Variants in NINL observed in about 807,000 individuals in gnomAD.
NINL encodes the protein ninein like.
In NINL, 153 loss-of-function variants were observed where a neutral mutation model predicts 160.3. That is an observed-to-expected ratio of 0.95 (90% confidence interval 0.84 to 1.09). The LOEUF is 1.09. Among genes scored for constraint, NINL ranks in the 50% least tolerant of loss-of-function variants. NINL has a pLI of 0.00. For synonymous variants in NINL, 800 were observed against 734.8 expected (o/e 1.09, Z -1.43); for missense variants, 1,829 against 1,764.0 (o/e 1.04, Z -0.66).
rs750145578 is a variant in NINL at position 25,462,554 on chromosome 20, G to GT, written c.3424-14dup. ...TGTAGTTCTGATTCTGGGGGAAAAA[G>GT]TTTTTAAATACATAAGAAAAAAATG... On this transcript the variant is annotated splice_polypyrimidine_tract_variant and intron_variant, in intron 19 of 23. Transcript: ENST00000278886. 3 of 1,590,394 alleles carry GT rather than the reference G, an allele frequency of 1.9e-6. No homozygotes were observed. Among genetic ancestry groups the GT allele is most frequent in the Non-Finnish European group, 2.6e-6 (3 of 1,170,694 alleles).
chr20:25,467,291 G>A lies in NINL; in HGVS notation c.3423+98C>T. On this transcript the variant is annotated intron_variant, in intron 19 of 23. Coordinates refer to ENST00000278886, the MANE Select transcript of NINL (RefSeq NM_025176.6). ...CAACTCACTGTCAAGTCTTTTAGAA[G>A]AATATTCTCTACTTCCTTTTGTAAG... is the stretch of plus-strand genomic sequence containing the variant. The A allele has an allele frequency of 3.7e-6, 4 of 1,094,330 alleles. No homozygotes were observed. The South Asian group carries it at 5.0e-5, about 14-fold the overall frequency. The allele number at this position is 1,094,330 out of a possible 1,614,324, so 67.8% of individuals were successfully genotyped here. A position where few individuals can be genotyped will look rare whatever the true frequency, so the allele number is the denominator to read the frequency against.
At chr20:25,457,752 C>T (rs917002576) in intron 22 of NINL, among the ~76,000 whole-genome samples, 4 of 152,218 alleles carry the variant, frequency 2.6e-5, no homozygotes, top group Non-Finnish European at 5.9e-5. Flanking sequence ...GAGTTATTCT[C>T]TCAGACTTTT....
intron 2 of NINL, among the ~76,000 whole-genome samples, chr20:25,522,284 A>AT (rs2064277396): frequency 1.3e-5 from 2 of 152,096 alleles, no homozygotes; most frequent in African/African-American, 4.8e-5. Context: ...TGTTTTTATT[A>AT]TTTTGTTCAG....
At chr20:25,478,445 C>T (rs2063315227) in intron 16 of NINL, among the ~76,000 whole-genome samples, 1 of 152,218 alleles carries the variant, frequency 6.6e-6, no homozygotes. Flanking sequence ...TCACATGTAC[C>T]TCACACCAGA....
At position 25,496,823 on chromosome 20, in the gene NINL, G is replaced by C. The variant is rs1394293368; in HGVS notation, c.1170-20C>G. The C allele has an allele frequency of 3.3e-5, 54 of 1,612,226 alleles. No homozygotes were observed. Among genetic ancestry groups the C allele is most frequent in the Non-Finnish European group, 4.3e-5 (51 of 1,179,156 alleles). Reference sequence around the variant, plus strand: ...TGCCCTCTGCCACAGGAAGGAGACAGGGTCAGATGGGACCCCACTGCTGGC... The same window carrying C: ...TGCCCTCTGCCACAGGAAGGAGACACGGTCAGATGGGACCCCACTGCTGGC... On this transcript the variant is annotated intron_variant, in intron 9 of 23. Transcript: ENST00000278886.
chr20:25,512,809 G>C, intron 4 of NINL, 25 bp downstream of exon 4: 1 of 1,586,868 alleles, frequency 6.3e-7, no homozygotes, highest in South Asian at 1.1e-5. Context: ...CTGGGCAGCT[G>C]GGGTGGGAGA....
chr20:25,580,339 A>C (rs1044473972), intron 1 of NINL, among the ~76,000 whole-genome samples: 1 of 150,812 alleles, frequency 6.6e-6, no homozygotes, highest in Admixed American at 6.6e-5. Context: ...ACCTAAAAAA[A>C]AAAAAAAAAT....
At chr20:25,501,749 C>T (rs759464828) in intron 7 of NINL, among the ~76,000 whole-genome samples, 5 of 152,174 alleles carry the variant, frequency 3.3e-5, no homozygotes, top group Non-Finnish European at 7.3e-5. Flanking sequence ...TCCTCCTGCT[C>T]AGCCTCCCAA....
chr20:25,470,170 G>T, intron 17 of NINL, 75 bp from the exon 18 acceptor site: 2 of 1,200,448 alleles, frequency 1.7e-6, no homozygotes, highest in Non-Finnish European at 2.5e-6. Flanking sequence ...CTCTGCAGCG[G>T]GGAGTCCTGA....
chr20:25,523,736 G>A (rs1052851210), intron 2 of NINL, among the ~76,000 whole-genome samples: 4 of 152,020 alleles, frequency 2.6e-5, no homozygotes, highest in African/African-American at 7.2e-5. Context: ...TCCACCTCCC[G>A]GGTTCAAGTG....
chr20:25,550,983 G>A (rs929544433), intron 1 of NINL, among the ~76,000 whole-genome samples: 1 of 151,848 alleles, frequency 6.6e-6, no homozygotes, highest in African/African-American at 2.4e-5. Flanking sequence ...TCTCAGTGGG[G>A]GGAAACCTTG....
At position 25,540,652 on chromosome 20, in the gene NINL, G is replaced by A. The variant is rs1163982199; in HGVS notation, c.-11-14054C>T. ...CTCGCCCAGAAAGAACAGGGCTGAG[G>A]CAGCCCTTTGAGGGTGTTCCTTTTT... On this transcript the variant is annotated intron_variant, in intron 1 of 23. Transcript: ENST00000278886. Among the ~76,000 whole-genome samples the A allele has an allele frequency of 4.6e-5, 7 of 152,142 alleles. No individual in the cohort carries two copies. In the South Asian group the frequency reaches 6.2e-4, roughly 14 times the overall value.
At chr20:25,489,026 C>A in intron 13 of NINL, 1 of 572,284 alleles carries the variant, frequency 1.7e-6, no homozygotes, top group Non-Finnish European at 3.1e-6. Flanking sequence ...ACAACAATGC[C>A]CTGCATGGTC....
chr20:25,557,283 C>T (rs1053553721), intron 1 of NINL, among the ~76,000 whole-genome samples: 1 of 152,250 alleles, frequency 6.6e-6, no homozygotes, highest in South Asian at 2.1e-4. Context: ...GTAATCCTAG[C>T]ACTTTGGAAG....
intron 1 of NINL, among the ~76,000 whole-genome samples, chr20:25,543,179 C>T (rs928804287): frequency 6.6e-6 from 1 of 152,254 alleles, no homozygotes; most frequent in South Asian, 2.1e-4. Context: ...ACACACACCC[C>T]CCTCCCAAAT....
intron 8 of NINL, 138 bp from the exon 9 acceptor site, chr20:25,498,484 C>T (rs1215428214): frequency 6.9e-6 from 8 of 1,152,472 alleles, no homozygotes; most frequent in Middle Eastern, 2.9e-4. Flanking sequence ...CTGCCAAGGT[C>T]TCTGCGTCTT....
intron 9 of NINL, 39 bp downstream of exon 9, chr20:25,498,171 C>G: frequency 1.2e-6 from 2 of 1,607,230 alleles, no homozygotes; most frequent in Non-Finnish European, 1.7e-6. Context: ...ACCTGGCCAG[C>G]CACACTGCCA....
intron 1 of NINL, among the ~76,000 whole-genome samples, chr20:25,555,395 A>G (rs549115481): frequency 8.1e-4 from 124 of 152,236 alleles, no homozygotes; most frequent in Non-Finnish European, 7.2e-4. Flanking sequence ...ATCTATTTAC[A>G]CAATATACCA....
chr20:25,520,152 G>A (rs1176214940), intron 2 of NINL, among the ~76,000 whole-genome samples: 1 of 152,072 alleles, frequency 6.6e-6, no homozygotes, highest in Non-Finnish European at 1.5e-5. Flanking sequence ...ACATGATGAG[G>A]GATAAGGGTG....
Sources: gnomAD v4.1 joint callset for allele counts (sites outside exome capture counted in the v4.1 genomes callset) on GRCh38, gnomAD v4.1.1 for gene constraint, MANE v1.5 for transcripts, NCBI Gene and HGNC (gene_info 2026-07-23, HGNC 2026-07-21) for gene names.